SEMA5A: variants seen among roughly 807,000 people sequenced by gnomAD.
SEMA5A encodes the protein semaphorin 5A.
A neutral mutation model predicts 135.5 loss-of-function variants in SEMA5A; 55 were observed. The ratio of observed to expected loss-of-function variants is 0.41; its 90% CI spans 0.33 to 0.51. The LOEUF is 0.51. Ranked by LOEUF, SEMA5A falls within the 20% of genes least tolerant of loss-of-function variation. The probability of loss-of-function intolerance (pLI) is 0.37; values close to 1 mark genes in which losing one functional copy is unlikely to be tolerated. For synonymous variants in SEMA5A, 580 were observed against 546.5 expected (o/e 1.06, Z -0.85); for missense variants, 1,290 against 1,419.9 (o/e 0.91, Z 1.47).
chr5:9,399,946 G>C (rs1756578122), intron 2 of SEMA5A, among the ~76,000 whole-genome samples: 1 of 152,144 alleles, frequency 6.6e-6, no homozygotes, highest in Admixed American at 6.5e-5. Context: ...CAAAGTAAAA[G>C]AGCCATATAC....
At chr5:9,120,453 G>A (rs984147370) in intron 14 of SEMA5A, among the ~76,000 whole-genome samples, 13 of 151,906 alleles carry the variant, frequency 8.6e-5, no homozygotes, top group African/African-American at 3.1e-4. Context: ...AATAAAATAT[G>A]TAGTAATAGC....
intron 1 of SEMA5A, among the ~76,000 whole-genome samples, chr5:9,446,566 C>T (rs1758442181): frequency 6.6e-6 from 1 of 152,042 alleles, no homozygotes; most frequent in African/African-American, 2.4e-5. Context: ...GGCCTCTGGG[C>T]TTCCACTCTG....
intron 5 of SEMA5A, among the ~76,000 whole-genome samples, chr5:9,293,073 C>G (rs966010053): frequency 6.6e-6 from 1 of 152,132 alleles, no homozygotes; most frequent in Non-Finnish European, 1.5e-5. Context: ...CTTGGTAGCA[C>G]TGTTTCATAT....
intron 1 of SEMA5A, among the ~76,000 whole-genome samples, chr5:9,508,517 C>T (rs896104856): frequency 6.6e-6 from 1 of 152,162 alleles, no homozygotes; most frequent in Non-Finnish European, 1.5e-5. Context: ...GGACATTAGC[C>T]AGATCCAGCA....
intron 3 of SEMA5A, among the ~76,000 whole-genome samples, chr5:9,340,881 T>C (rs1753617121): frequency 6.6e-6 from 1 of 152,120 alleles, no homozygotes; most frequent in Non-Finnish European, 1.5e-5. Flanking sequence ...CCTGCACCAA[T>C]ACCTATCCTC....
intron 1 of SEMA5A, among the ~76,000 whole-genome samples, chr5:9,526,864 A>G (rs1422789912): frequency 1.3e-5 from 2 of 152,208 alleles, no homozygotes; most frequent in Admixed American, 1.3e-4. Flanking sequence ...GCATCTACAT[A>G]GCTCTTGACA....
chr5:9,154,118 T>G (rs896512697), intron 12 of SEMA5A, among the ~76,000 whole-genome samples: 1 of 137,970 alleles, frequency 7.2e-6, no homozygotes, highest in African/African-American at 2.7e-5. Context: ...TGTGTGTGTA[T>G]GTATGTATGT....
At chr5:9,238,636 C>T (rs1477021099) in intron 5 of SEMA5A, among the ~76,000 whole-genome samples, 1 of 151,706 alleles carries the variant, frequency 6.6e-6, no homozygotes, top group Non-Finnish European at 1.5e-5. Flanking sequence ...AGAAAGGATG[C>T]CTACAGGCAT....
chr5:9,458,335 A>C (rs1385705183), intron 1 of SEMA5A, among the ~76,000 whole-genome samples: 1 of 152,176 alleles, frequency 6.6e-6, no homozygotes, highest in African/African-American at 2.4e-5. Flanking sequence ...CTAAATCATC[A>C]AGTCTGCTAC....
At chr5:9,086,189 G>A (rs896182516) in intron 16 of SEMA5A, among the ~76,000 whole-genome samples, 1 of 152,152 alleles carries the variant, frequency 6.6e-6, no homozygotes, top group African/African-American at 2.4e-5. Context: ...TTGAGTTAAT[G>A]CTGAAGTGTG....
intron 9 of SEMA5A, among the ~76,000 whole-genome samples, 172 bp downstream of exon 9, chr5:9,201,783 T>C (rs527727174): frequency 2.8e-4 from 43 of 152,364 alleles, no homozygotes; most frequent in African/African-American, 1.0e-3. Context: ...ACAAATCACA[T>C]ATCTTTATCT....
intron 5 of SEMA5A, among the ~76,000 whole-genome samples, chr5:9,281,050 C>A (rs1750516018): frequency 6.6e-6 from 1 of 152,086 alleles, no homozygotes; most frequent in Non-Finnish European, 1.5e-5. Flanking sequence ...ATCATTCTTA[C>A]TTTATAGATG....
intron 1 of SEMA5A, among the ~76,000 whole-genome samples, chr5:9,542,183 A>G (rs904011238): frequency 6.6e-6 from 1 of 152,188 alleles, no homozygotes; most frequent in Non-Finnish European, 1.5e-5. Context: ...TGTTTCTCCA[A>G]AGTGCTTCCC....
At chr5:9,259,046 T>C (rs573573909) in intron 5 of SEMA5A, among the ~76,000 whole-genome samples, 2 of 152,274 alleles carry the variant, frequency 1.3e-5, no homozygotes, top group East Asian at 1.9e-4. Flanking sequence ...AGTCTGGAAC[T>C]CCTGACCTCG....
At chr5:9,089,006 A>C (rs2150120407) in intron 16 of SEMA5A, among the ~76,000 whole-genome samples, 1 of 152,242 alleles carries the variant, frequency 6.6e-6, no homozygotes, top group South Asian at 2.1e-4. Flanking sequence ...CTGTTCTCCT[A>C]AATTTACCTG....
chr5:9,499,734 A>G (rs947540882), intron 1 of SEMA5A, among the ~76,000 whole-genome samples: 8 of 152,218 alleles, frequency 5.3e-5, no homozygotes, highest in Admixed American at 6.5e-5. Flanking sequence ...ACAAAACCAC[A>G]ACCCCATCTA....
chr5:9,079,150 T>A (rs1219152373), intron 16 of SEMA5A, among the ~76,000 whole-genome samples: 2 of 152,220 alleles, frequency 1.3e-5, no homozygotes, highest in East Asian at 3.9e-4. Context: ...TTAAAATTTT[T>A]TGCTTTTTAA....
In SEMA5A at chr5:9,108,430, A is replaced by G. The variant is rs918211015; in HGVS notation, c.1926-143T>C. ...AGCTTTTTGTATTTTGAGCAGTTGC[A>G]CCATACAGAAGGCAGATGTGGTGCT... On this transcript the variant is annotated intron_variant, in intron 15 of 22. Transcript: ENST00000382496. 3 of 880,538 alleles carry G rather than the reference A, an allele frequency of 3.4e-6. No homozygotes were observed. In the African/African-American group the frequency reaches 5.1e-5, roughly 15 times the overall value. The allele number at this position is 880,538 out of a possible 1,614,324, so 54.5% of individuals were successfully genotyped here. A position where few individuals can be genotyped will look rare whatever the true frequency, so the allele number is the denominator to read the frequency against.
At chr5:9,455,736 TCCC>T (rs1006655853) in intron 1 of SEMA5A, among the ~76,000 whole-genome samples, 6 of 152,116 alleles carry the variant, frequency 3.9e-5, no homozygotes, top group African/African-American at 1.4e-4. Flanking sequence ...GCTCTAAAAT[TCCC>T]CCAATCTCTC....
Sources: gnomAD v4.1 joint callset for allele counts (sites outside exome capture counted in the v4.1 genomes callset) on GRCh38, gnomAD v4.1.1 for gene constraint, MANE v1.5 for transcripts, NCBI Gene and HGNC (gene_info 2026-07-23, HGNC 2026-07-21) for gene names.